Variants in PRKAG2 observed in about 807,000 individuals in gnomAD.
The protein encoded by PRKAG2 is 5'-AMP-activated protein kinase subunit gamma-2.
Under a neutral mutation model 69.6 loss-of-function variants are expected in PRKAG2, and 26 were observed. That is an observed-to-expected ratio of 0.37 (90% CI 0.27 to 0.52). The LOEUF (loss-of-function observed/expected upper bound fraction) is 0.52, where lower values mean the gene tolerates loss of function less well. Ranked by LOEUF, PRKAG2 falls within the 20% of genes least tolerant of loss-of-function variation. PRKAG2 has a pLI of 0.90. For synonymous variants in PRKAG2, 293 were observed against 285.0 expected (o/e 1.03, Z -0.28); for missense variants, 557 against 740.0 (o/e 0.75, Z 2.87).
rs1372069521 is a variant in PRKAG2 at position 151,773,040 on chromosome 7, AGAGAGAGAGAGAGGGAGG to A, written c.466+8094_466+8111del. Among the ~76,000 whole-genome samples the A allele has an allele frequency of 0.014, 495 of 34,654 alleles. 28 individuals carry two copies. In the East Asian group the frequency reaches 0.16, roughly 11 times the overall value. 22.7% of individuals were successfully genotyped at this position (34,654 alleles called of 152,430 possible). ...AAGAAAGAAAGAGAGAGAGAGAGAGAGAGAGAGAGAGAGGGAGGGAGGGAGGGAGGGAGGGAGGGAGGG... is the reference window on the plus strand; with the variant it reads ...AAGAAAGAAAGAGAGAGAGAGAGAGAGAGGGAGGGAGGGAGGGAGGGAGGG... On this transcript the variant is annotated intron_variant, in intron 3 of 15. Coordinates refer to ENST00000287878, the MANE Select transcript of PRKAG2 (RefSeq NM_016203.4).
intron 1 of PRKAG2, among the ~76,000 whole-genome samples, chr7:151,832,132 A>C (rs972529182): frequency 6.6e-6 from 1 of 151,824 alleles, no homozygotes; most frequent in African/African-American, 2.4e-5. Context: ...GAAGGGGAGG[A>C]AGGTCCCTCC....
chr7:151,821,062 A>AGAGCCTC (rs1184141184), intron 1 of PRKAG2, among the ~76,000 whole-genome samples: 5 of 152,188 alleles, frequency 3.3e-5, no homozygotes, highest in South Asian at 2.1e-4. Context: ...AGCTGTGGAG[A>AGAGCCTC]CAGGGAACAA....
intron 4 of PRKAG2, among the ~76,000 whole-genome samples, chr7:151,665,141 C>T (rs570865612): frequency 5.9e-5 from 9 of 152,246 alleles, no homozygotes; most frequent in Middle Eastern, 3.4e-3. Context: ...CTACAGGATG[C>T]ACCCCCTTTT....
In PRKAG2 at chr7:151,850,951, C is replaced by T. The variant is rs938041369; in HGVS notation, c.114+25556G>A. 6.6e-6 allele frequency among the ~76,000 whole-genome samples: 1 copy of T among 152,188 alleles called. No homozygotes were observed. The highest frequency in any genetic ancestry group is 2.4e-5 in the African/African-American group (1 of 41,452). ...GGCCAGTCACTTGAGCTCCAAGGCA[C>T]GGCCCACAGGGGTACCCCTGCTCCC... On this transcript the variant is annotated intron_variant, in intron 1 of 15. Transcript: ENST00000287878. The surrounding 1 kb of genome is among the most constrained non-coding windows in gnomAD (Gnocchi z 4.1).
intron 3 of PRKAG2, among the ~76,000 whole-genome samples, chr7:151,772,063 G>C (rs80322005): frequency 0.014 from 2,097 of 152,314 alleles, 38 homozygotes; most frequent in African/African-American, 0.048. Context: ...GGTGGGGAGA[G>C]ACAGGCAAGT....
chr7:151,667,721 G>A (rs140890943), intron 4 of PRKAG2, among the ~76,000 whole-genome samples: 2 of 152,316 alleles, frequency 1.3e-5, no homozygotes, highest in East Asian at 1.9e-4. Context: ...GCATTTGAAC[G>A]AGCTGGGGCT....
intron 5 of PRKAG2, among the ~76,000 whole-genome samples, chr7:151,602,904 C>T (rs1358058532): frequency 2.0e-5 from 3 of 152,228 alleles, no homozygotes; most frequent in Non-Finnish European, 2.9e-5. Context: ...CGTGCCTCTT[C>T]CCGTTCAGCC....
intron 3 of PRKAG2, among the ~76,000 whole-genome samples, chr7:151,690,679 T>C (rs1835528302): frequency 6.6e-5 from 10 of 152,244 alleles, no homozygotes; most frequent in Admixed American, 6.5e-4. Context: ...AATACGGTGC[T>C]TAGGGGAGCC....
intron 3 of PRKAG2, among the ~76,000 whole-genome samples, chr7:151,706,943 T>C (rs1376251469): frequency 6.6e-6 from 1 of 152,156 alleles, no homozygotes; most frequent in Non-Finnish European, 1.5e-5. Context: ...GGGAAGAGGG[T>C]GCCTCTGGCC....
intron 5 of PRKAG2, among the ~76,000 whole-genome samples, chr7:151,604,634 TCACACACACATA>T (rs533098862): frequency 1.0e-3 from 152 of 152,120 alleles, no homozygotes; most frequent in East Asian, 8.1e-3. Flanking sequence ...CAAGACTCTG[TCACACACACATA>T]CACACACACA....
At position 151,788,107 on chromosome 7, in the gene PRKAG2, A is replaced by T. The variant is rs61520245; in HGVS notation, c.115-1566T>A. ...CAGGACCCTGCTTTCAATTCTTTCC[A>T]GTTATCCCCAGAAGTGGAACTGCTG... On this transcript the variant is annotated intron_variant, in intron 1 of 15. Coordinates refer to ENST00000287878, the MANE Select transcript of PRKAG2 (RefSeq NM_016203.4). The surrounding 1 kb of genome is among the most constrained non-coding windows in gnomAD (Gnocchi z 4.6). Among the ~76,000 whole-genome samples, 4,833 of 152,288 alleles carry T rather than the reference A, an allele frequency of 0.032. 230 individuals are homozygous for T. The highest frequency in any genetic ancestry group is 0.1 in the African/African-American group (4,228 of 41,548).
intron 3 of PRKAG2, among the ~76,000 whole-genome samples, chr7:151,775,117 G>A (rs775039402): frequency 3.3e-5 from 5 of 152,228 alleles, no homozygotes; most frequent in Non-Finnish European, 7.3e-5. Flanking sequence ...CGTGTGATGA[G>A]GGCATCCTTG....
chr7:151,821,459 G>T (rs1008501050), intron 1 of PRKAG2, among the ~76,000 whole-genome samples: 1 of 152,198 alleles, frequency 6.6e-6, no homozygotes, highest in African/African-American at 2.4e-5. Flanking sequence ...GTGCTCCGGG[G>T]CTGAATGTCT....
intron 5 of PRKAG2, among the ~76,000 whole-genome samples, chr7:151,607,981 G>A (rs1027917539): frequency 2.0e-5 from 3 of 152,124 alleles, no homozygotes; most frequent in African/African-American, 7.2e-5. Flanking sequence ...AGGTTATCCC[G>A]GATTAGGGTG....
chr7:151,783,913 A>C (rs1183999129), intron 2 of PRKAG2, among the ~76,000 whole-genome samples: 7 of 91,384 alleles, frequency 7.7e-5, no homozygotes, highest in African/African-American at 3.5e-4. Flanking sequence ...ACCCTGTCTC[A>C]AAAAAAAAAA....
chr7:151,741,214 AAAAAT>A (rs149788852), intron 3 of PRKAG2, among the ~76,000 whole-genome samples: 4,303 of 152,158 alleles, frequency 0.028, 191 homozygotes, highest in African/African-American at 0.099. Flanking sequence ...CCCTGTCTCA[AAAAAT>A]AAAATAAAAC....
rs2079158034 is a variant in PRKAG2 at position 151,836,855 on chromosome 7, C to A, written c.114+39652G>T. On this transcript the variant is annotated intron_variant, in intron 1 of 15. Coordinates refer to ENST00000287878, the MANE Select transcript of PRKAG2 (RefSeq NM_016203.4). This position sits in a 1 kb window ranked among gnomAD's most constrained non-coding sequence, Gnocchi z 4.1. Reference sequence around the variant, plus strand: ...AAGAAGCCACTGAGAATATTCAGTTCTTGGATCATCCACAACAGCGGAAGC... The same window carrying A: ...AAGAAGCCACTGAGAATATTCAGTTATTGGATCATCCACAACAGCGGAAGC... 6.6e-6 allele frequency among the ~76,000 whole-genome samples: 1 copy of A among 152,226 alleles called. No homozygotes were observed. The highest frequency in any genetic ancestry group is 1.5e-5 in the Non-Finnish European group (1 of 68,040).
chr7:151,775,265 C>A (rs1419338322), intron 3 of PRKAG2, among the ~76,000 whole-genome samples: 1 of 152,192 alleles, frequency 6.6e-6, no homozygotes, highest in Non-Finnish European at 1.5e-5. Context: ...TGATCCTACC[C>A]CCCACCCCGC....
chr7:151,617,440 T>C (rs971428384), intron 5 of PRKAG2, among the ~76,000 whole-genome samples: 19 of 152,112 alleles, frequency 1.2e-4, no homozygotes, highest in African/African-American at 4.6e-4. Context: ...AATTGATGCA[T>C]TGAAGGTGGA....
Sources: gnomAD v4.1 joint callset for allele counts (sites outside exome capture counted in the v4.1 genomes callset) on GRCh38, gnomAD v4.1.1 for gene constraint, Gnocchi (gnomAD v3.1) non-coding constraint, MANE v1.5 for transcripts, NCBI Gene and HGNC (gene_info 2026-07-23, HGNC 2026-07-21) for gene names.